Variants in VAV2 observed in about 807,000 individuals in gnomAD.
VAV2 encodes the protein guanine nucleotide exchange factor VAV2.
VAV2 carries 67 observed loss-of-function variants against 132.5 expected under a neutral mutation model. That is an observed-to-expected ratio of 0.51 (90% CI 0.42 to 0.62). VAV2 has a LOEUF of 0.62. VAV2 is among the 20% of genes least tolerant of loss of function. VAV2 has a pLI of 0.00. For synonymous variants in VAV2, 492 were observed against 443.5 expected, an observed-to-expected ratio of 1.11 and a Z score of -1.37; for missense variants, 938 against 1,153.6, an observed-to-expected ratio of 0.81 and a Z score of 2.71.
chr9:133,859,099 G>A (rs535031830), intron 3 of VAV2, among the ~76,000 whole-genome samples: 15 of 152,142 alleles, frequency 9.9e-5, no homozygotes, highest in Non-Finnish European at 2.2e-4. Flanking sequence ...GGGGACGGAG[G>A]GGGTGGCCCG....
chr9:133,975,274 G>A (rs1048816769), intron 1 of VAV2, among the ~76,000 whole-genome samples: 24 of 151,800 alleles, frequency 1.6e-4, no homozygotes, highest in Admixed American at 1.5e-3. Context: ...CCATATCCTC[G>A]CTCAGTGCTC....
intron 23 of VAV2, among the ~76,000 whole-genome samples, chr9:133,776,785 C>A (rs1003513198): frequency 6.6e-6 from 1 of 152,098 alleles, no homozygotes; most frequent in Non-Finnish European, 1.5e-5. Context: ...CGGGGAGCAC[C>A]GGGGCTGCCG....
rs374202768 is a variant in VAV2 at position 133,914,399 on chromosome 9, A to G, written c.321+24704T>C. ...TCATCAGCAGACGGATGGATAAACA[A>G]AACGTGGTCTACCTGGACCGTGGAA... On this transcript the variant is annotated intron_variant, in intron 2 of 29. Transcript: ENST00000371850. 6.8e-4 allele frequency among the ~76,000 whole-genome samples: 104 copies of G among 151,852 alleles called. 1 individual carries two copies. The South Asian group carries it at 0.021, about 31-fold the overall frequency.
At chr9:133,986,513 A>G (rs7031569) in intron 1 of VAV2, among the ~76,000 whole-genome samples, 4,507 of 152,124 alleles carry the variant, frequency 0.03, 141 homozygotes, top group African/African-American at 0.079. Flanking sequence ...CTGGATGGAG[A>G]CGGATTGATG....
At chr9:133,790,542 C>G (rs1834411562) in intron 13 of VAV2, among the ~76,000 whole-genome samples, 1 of 152,168 alleles carries the variant, frequency 6.6e-6, no homozygotes, top group Non-Finnish European at 1.5e-5. Flanking sequence ...ACAAAACGAA[C>G]TTTTCTCCTC....
intron 10 of VAV2, 59 bp downstream of exon 10, chr9:133,797,651 C>G: frequency 1.3e-6 from 2 of 1,502,346 alleles, no homozygotes. Context: ...CTAACGAGCT[C>G]TGGCCTGCAA....
intron 1 of VAV2, among the ~76,000 whole-genome samples, chr9:133,979,265 C>A (rs1282524704): frequency 6.6e-6 from 1 of 152,178 alleles, no homozygotes; most frequent in Non-Finnish European, 1.5e-5. Context: ...TAAAATACCC[C>A]CTTTGACAGC....
At chr9:133,958,657 G>C (rs531971538) in intron 1 of VAV2, among the ~76,000 whole-genome samples, 2 of 151,612 alleles carry the variant, frequency 1.3e-5, no homozygotes, top group Non-Finnish European at 2.9e-5. Context: ...TCTATACTTT[G>C]TATCTGTGTC....
Position 133,791,864 on chromosome 9 carries a change from C to T in VAV2, c.1107G>A (p.Leu369=), listed in dbSNP as rs550190371. Residue 369 remains leucine (L), a synonymous_variant, in exon 13 of 30, where the codon TTG becomes TTA. Transcript: ENST00000371850. ...GTTTAACTTCATTGATGTACATCGC[C>T]AAGTCCTTGAAAACAAGAGGCAGAG... ...LKEALEAMQD[L]AMYINEVKRD... The T allele has an allele frequency of 3.0e-4, 474 of 1,598,422 alleles. 8 individuals are homozygous for T. The South Asian group carries it at 5.0e-3, about 17-fold the overall frequency.
At chr9:133,916,595 G>C (rs1216051566) in intron 2 of VAV2, among the ~76,000 whole-genome samples, 1 of 152,054 alleles carries the variant, frequency 6.6e-6, no homozygotes, top group Admixed American at 6.6e-5. Context: ...GGGAAAGGAG[G>C]GGGTGAACAG....
intron 3 of VAV2, among the ~76,000 whole-genome samples, chr9:133,842,279 C>G (rs1477705120): frequency 6.6e-6 from 1 of 152,188 alleles, no homozygotes; most frequent in African/African-American, 2.4e-5. Flanking sequence ...AGAGAAGGCC[C>G]CGCACGGTGA....
At chr9:133,806,523 A>AT (rs1210045345) in intron 8 of VAV2, among the ~76,000 whole-genome samples, 1 of 147,356 alleles carries the variant, frequency 6.8e-6, no homozygotes, top group African/African-American at 2.5e-5. Context: ...CGGGACCCCC[A>AT]TCCCCACCCC....
At chr9:133,936,352 C>T (rs1297095520) in intron 2 of VAV2, among the ~76,000 whole-genome samples, 1 of 151,706 alleles carries the variant, frequency 6.6e-6, no homozygotes, top group Non-Finnish European at 1.5e-5. Context: ...AAGCAACTCT[C>T]CTGCCTCAGC....
In VAV2 at chr9:133,828,648, G is replaced by A. The variant is rs552609084; in HGVS notation, c.449+5624C>T. On this transcript the variant is annotated intron_variant, in intron 4 of 29. Coordinates refer to ENST00000371850, the MANE Select transcript of VAV2 (RefSeq NM_001134398.2). Reference sequence around the variant, plus strand: ...AAGTTGGGGTCACAGCAGGCATTTCGACGTGGGCCCTGTGCCTTCCTGAGG... The same window carrying A: ...AAGTTGGGGTCACAGCAGGCATTTCAACGTGGGCCCTGTGCCTTCCTGAGG... Among the ~76,000 whole-genome samples, 11 of 152,246 alleles carry A rather than the reference G, an allele frequency of 7.2e-5. 1 individual carries two copies. Among genetic ancestry groups the A allele is most frequent in the South Asian group, 6.2e-4 (3 of 4,830 alleles).
At chr9:133,792,411 A>G (rs1834523816) in intron 12 of VAV2, among the ~76,000 whole-genome samples, 2 of 135,200 alleles carry the variant, frequency 1.5e-5, no homozygotes, top group Admixed American at 1.5e-4. Context: ...TGTATGAGTG[A>G]TTGTGTGAGA....
chr9:133,851,909 G>GTGGA (rs58259577), intron 3 of VAV2, among the ~76,000 whole-genome samples: 12,109 of 140,732 alleles, frequency 0.086, 1,272 homozygotes, highest in African/African-American at 0.27. Context: ...GGATGGATGG[G>GTGGA]TGGATGGATG....
At chr9:133,849,972 ACACCATTCAC>A (rs575102692) in intron 3 of VAV2, among the ~76,000 whole-genome samples, 12 of 152,306 alleles carry the variant, frequency 7.9e-5, no homozygotes, top group African/African-American at 2.9e-4. Context: ...CTTTTGGGGA[ACACCATTCAC>A]CCCATACACC....
At chr9:133,909,102 C>T (rs1322976926) in intron 2 of VAV2, among the ~76,000 whole-genome samples, 4 of 152,220 alleles carry the variant, frequency 2.6e-5, no homozygotes, top group Admixed American at 6.5e-5. Flanking sequence ...CCCTAGCAAT[C>T]GCGAGGAAGG....
intron 2 of VAV2, among the ~76,000 whole-genome samples, chr9:133,891,359 G>T (rs200322115): frequency 2.5e-4 from 3 of 11,776 alleles, no homozygotes; most frequent in South Asian, 2.5e-3. Context: ...GAAGGGGGAG[G>T]GATAAAGGGG....
Sources: gnomAD v4.1 joint callset for allele counts (sites outside exome capture counted in the v4.1 genomes callset) on GRCh38, gnomAD v4.1.1 for gene constraint, MANE v1.5 for transcripts, NCBI Gene and HGNC (gene_info 2026-07-23, HGNC 2026-07-21) for gene names.